Variants in AGMO observed in about 807,000 individuals in gnomAD.
AGMO encodes the protein alkylglycerol monooxygenase, also known as glyceryl-ether monooxygenase.
A neutral mutation model predicts 60.2 loss-of-function variants in AGMO; 75 were observed. The ratio of observed to expected loss-of-function variants is 1.25; its 90% CI spans 1.03 to 1.51. The LOEUF is 1.51. Among genes scored for constraint, AGMO ranks in the 40% most tolerant of loss-of-function variants. The pLI is 0.00. For missense variants in AGMO, 763 were observed against 525.5 expected (o/e 1.45, Z -4.42); for synonymous variants, 261 against 177.1 (o/e 1.47, Z -3.76).
intron 12 of AGMO, among the ~76,000 whole-genome samples, chr7:15,357,826 C>T (rs140345093): frequency 1.3e-5 from 2 of 152,164 alleles, no homozygotes; most frequent in Admixed American, 6.5e-5. Flanking sequence ...AGAGAAAACA[C>T]CACAGAAATT....
intron 10 of AGMO, among the ~76,000 whole-genome samples, chr7:15,382,936 G>A (rs746448637): frequency 1.3e-5 from 2 of 151,004 alleles, no homozygotes; most frequent in African/African-American, 4.9e-5. Context: ...TTATATAGAT[G>A]TAACATTTGT....
At chr7:15,178,404 A>AT in the AGMO span, among the ~76,000 whole-genome samples, 1 of 152,092 alleles carries the variant, frequency 6.6e-6, no homozygotes. Flanking sequence ...TCTGAAACTC[A>AT]TTTACTGCAT....
intron 4 of AGMO, 114 bp from the exon 5 acceptor site, chr7:15,418,767 A>C (rs1726575371): frequency 1.5e-6 from 1 of 645,370 alleles, no homozygotes; most frequent in African/African-American, 2.0e-5. Context: ...CATACTATAT[A>C]CTGTATATTT....
chr7:15,144,332 A>G, the AGMO span, among the ~76,000 whole-genome samples: 120 of 152,302 alleles, frequency 7.9e-4, no homozygotes, highest in South Asian at 2.9e-3. Flanking sequence ...ATTTATACAG[A>G]ACAATGATGT....
At chr7:15,341,226 G>A (rs145602316) in intron 12 of AGMO, among the ~76,000 whole-genome samples, 156 of 152,240 alleles carry the variant, frequency 1.0e-3, no homozygotes, top group African/African-American at 3.4e-3. Flanking sequence ...CTTTTCTACT[G>A]CATCATTAGG....
intron 12 of AGMO, among the ~76,000 whole-genome samples, chr7:15,217,201 TG>T (rs1195229324): frequency 8.5e-5 from 13 of 152,194 alleles, no homozygotes; most frequent in Non-Finnish European, 1.9e-4. Flanking sequence ...ATTTGTCATA[TG>T]AAATTGTTGG....
At chr7:15,481,789 A>ATTTTTTTTTTTT (rs5882513) in intron 3 of AGMO, among the ~76,000 whole-genome samples, 1 of 98,706 alleles carries the variant, frequency 1.0e-5, no homozygotes, top group Non-Finnish European at 2.1e-5. Context: ...GACTAAATGT[A>ATTTTTTTTTTTT]TTTTTTTTTT....
chr7:15,389,299 T>G (rs1343428832), intron 8 of AGMO, among the ~76,000 whole-genome samples: 3 of 108,664 alleles, frequency 2.8e-5, no homozygotes, highest in Non-Finnish European at 5.9e-5. Flanking sequence ...AGGATAGAGA[T>G]GAAGGTGTCT....
At chr7:15,372,901 A>G in intron 10 of AGMO, among the ~76,000 whole-genome samples, 1 of 152,192 alleles carries the variant, frequency 6.6e-6, no homozygotes, top group East Asian at 1.9e-4. Context: ...CACAGAAAGC[A>G]TTTGGGAAAG....
chr7:15,392,261 G>C (rs1225388242), intron 6 of AGMO, among the ~76,000 whole-genome samples: 1 of 151,648 alleles, frequency 6.6e-6, no homozygotes, highest in Non-Finnish European at 1.5e-5. Flanking sequence ...TTTTAGTAGA[G>C]ATGGGGTTTC....
At chr7:15,551,953 T>G (rs1784972207) in intron 2 of AGMO, among the ~76,000 whole-genome samples, 1 of 151,612 alleles carries the variant, frequency 6.6e-6, no homozygotes, top group Non-Finnish European at 1.5e-5. Context: ...AACAGCATGG[T>G]ACTGGTACCA....
intron 11 of AGMO, 107 bp from the exon 12 acceptor site, chr7:15,365,726 T>G: frequency 1.3e-6 from 1 of 750,178 alleles, no homozygotes; most frequent in East Asian, 2.8e-5. Flanking sequence ...CCTAGTATTT[T>G]AATATATTTG....
intron 9 of AGMO, among the ~76,000 whole-genome samples, chr7:15,386,342 C>A (rs1783914492): frequency 6.6e-6 from 1 of 152,048 alleles, no homozygotes; most frequent in Non-Finnish European, 1.5e-5. Context: ...TTAAGTTTCC[C>A]CAAAATGCTA....
intron 3 of AGMO, among the ~76,000 whole-genome samples, chr7:15,447,492 A>G (rs1250210618): frequency 3.3e-5 from 5 of 152,306 alleles, no homozygotes; most frequent in Admixed American, 2.6e-4. Flanking sequence ...GAAGCAAGAC[A>G]TTCAGAAGCT....
intron 5 of AGMO, among the ~76,000 whole-genome samples, chr7:15,405,515 T>C (rs969576431): frequency 2.0e-5 from 3 of 151,958 alleles, no homozygotes; most frequent in African/African-American, 7.2e-5. Context: ...TTGATAAGCA[T>C]TCACATTATT....
intron 3 of AGMO, among the ~76,000 whole-genome samples, chr7:15,462,102 G>C (rs928885071): frequency 7.9e-5 from 12 of 151,982 alleles, no homozygotes; most frequent in Admixed American, 6.6e-5. Flanking sequence ...CACAAAACAT[G>C]CATGATGCTG....
At chr7:15,147,470 T>C in the AGMO span, among the ~76,000 whole-genome samples, 3 of 151,942 alleles carry the variant, frequency 2.0e-5, no homozygotes, top group East Asian at 5.8e-4. Context: ...GTGAGACTTA[T>C]TCACTATCCC....
chr7:15,499,276 A>C (rs1783316129), intron 3 of AGMO, among the ~76,000 whole-genome samples: 1 of 151,894 alleles, frequency 6.6e-6, no homozygotes, highest in African/African-American at 2.4e-5. Flanking sequence ...GTTTTTTTAA[A>C]AAACAAAAAT....
At chr7:15,445,048 T>A (rs78804907) in intron 3 of AGMO, among the ~76,000 whole-genome samples, 19,726 of 152,204 alleles carry the variant, frequency 0.13, 1,373 homozygotes, top group Non-Finnish European at 0.14. Flanking sequence ...TAGCACATAA[T>A]CAGGCAAAAG....
Sources: gnomAD v4.1 joint callset for allele counts (sites outside exome capture counted in the v4.1 genomes callset) on GRCh38, gnomAD v4.1.1 for gene constraint, MANE v1.5 for transcripts, NCBI Gene and HGNC (gene_info 2026-07-23, HGNC 2026-07-21) for gene names.